TMC7: variants seen among roughly 807,000 people sequenced by gnomAD.
TMC7 encodes the protein transmembrane channel-like protein 7.
Under a neutral mutation model 82.9 loss-of-function variants are expected in TMC7, and 54 were observed. The observed-to-expected ratio is 0.65, with a 90% CI of 0.52 to 0.82. The LOEUF (loss-of-function observed/expected upper bound fraction) is 0.82, where lower values mean the gene tolerates loss of function less well. TMC7 is among the 40% of genes least tolerant of loss of function. TMC7 has a pLI of 0.00. For missense variants in TMC7, 820 were observed against 901.2 expected, an observed-to-expected ratio of 0.91 and a Z score of 1.15; for synonymous variants, 350 against 337.9, an observed-to-expected ratio of 1.04 and a Z score of -0.39.
At chr16:18,990,789 C>A (rs144365045) in intron 1 of TMC7, among the ~76,000 whole-genome samples, 3,299 of 152,154 alleles carry the variant, frequency 0.022, 120 homozygotes, top group African/African-American at 0.075. Flanking sequence ...TTATAAAGAA[C>A]CTTCTTAAGA....
intron 1 of TMC7, chr16:18,984,690 C>T (rs748865824): frequency 6.8e-5 from 13 of 191,206 alleles, no homozygotes; most frequent in Non-Finnish European, 1.1e-4. Context: ...CAGTGCCTGG[C>T]ATTGTGGCTA....
intron 1 of TMC7, 123 bp from the exon 2 acceptor site, chr16:19,009,049 T>C: frequency 9.2e-7 from 1 of 1,091,696 alleles, no homozygotes; most frequent in Admixed American, 2.3e-5. Context: ...ATCAAAATGC[T>C]GTCGTCACTG....
At chr16:19,031,349 G>C (rs527600864) in intron 6 of TMC7, among the ~76,000 whole-genome samples, 1 of 152,320 alleles carries the variant, frequency 6.6e-6, no homozygotes, top group Admixed American at 6.5e-5. Flanking sequence ...GAGCACTTCA[G>C]CTGTGGCCAG....
Position 19,040,458 on chromosome 16 carries a change from C to G in TMC7, c.1337+12C>G. 6.2e-7 allele frequency: 1 copy of G among 1,605,322 alleles called. No individual in the cohort carries two copies. The highest frequency in any genetic ancestry group is 8.5e-7 in the Non-Finnish European group (1 of 1,178,016). On this transcript the variant is annotated intron_variant, in intron 9 of 15. Coordinates refer to ENST00000304381, the MANE Select transcript of TMC7 (RefSeq NM_024847.4). ...CTGACAATCCTTAGGTAATGCCTAA[C>G]ATGAAGATGGCAGGCATGTCAAGCC...
chr16:18,992,627 T>G (rs2038972381), intron 1 of TMC7, among the ~76,000 whole-genome samples: 1 of 152,232 alleles, frequency 6.6e-6, no homozygotes, highest in South Asian at 2.1e-4. Context: ...CAATTTTGGC[T>G]TCTGTTGCCA....
chr16:19,045,161 G>A, intron 10 of TMC7, 160 bp downstream of exon 10: 1 of 837,452 alleles, frequency 1.2e-6, no homozygotes, highest in Non-Finnish European at 2.0e-6. Context: ...TCTAACCCCA[G>A]GCACTTCTGA....
intron 1 of TMC7, among the ~76,000 whole-genome samples, chr16:19,004,363 T>C (rs2039197623): frequency 6.6e-6 from 1 of 152,140 alleles, no homozygotes; most frequent in Non-Finnish European, 1.5e-5. Context: ...TTTTTATTTA[T>C]TTATTTGTAT....
intron 6 of TMC7, 149 bp from the exon 7 acceptor site, chr16:19,035,527 A>G: frequency 1.2e-6 from 1 of 801,728 alleles, no homozygotes; most frequent in Non-Finnish European, 2.0e-6. Flanking sequence ...TAGCTGCCAC[A>G]TATATTTAGA....
At chr16:19,001,524 A>G (rs2039140976) in intron 1 of TMC7, among the ~76,000 whole-genome samples, 1 of 152,116 alleles carries the variant, frequency 6.6e-6, no homozygotes, top group African/African-American at 2.4e-5. Flanking sequence ...CTATTAAAAT[A>G]TATGCATATT....
chr16:19,018,576 A>G (rs1390621639), intron 3 of TMC7, among the ~76,000 whole-genome samples: 1 of 152,126 alleles, frequency 6.6e-6, no homozygotes, highest in African/African-American at 2.4e-5. Context: ...GGGCTTCACC[A>G]TACGAATTTG....
In TMC7 at chr16:19,044,874, C is replaced by T; in HGVS notation, c.1338-10C>T. ...TCATCTTCCCATCCTCTCTCCTTCT[C>T]TCCCCGAAGGTGTGTCTTTATGCGG... is the stretch of plus-strand genomic sequence containing the variant. On this transcript the variant is annotated splice_polypyrimidine_tract_variant and intron_variant, in intron 9 of 15. Transcript: ENST00000304381. The T allele has an allele frequency of 6.2e-7, 1 of 1,603,936 alleles. No homozygotes were observed. Among genetic ancestry groups the T allele is most frequent in the Non-Finnish European group, 8.5e-7 (1 of 1,173,012 alleles).
intron 1 of TMC7, chr16:18,984,344 C>T (rs963525790): frequency 2.5e-5 from 33 of 1,297,004 alleles, no homozygotes; most frequent in African/African-American, 3.1e-5. Flanking sequence ...GGAACCCAGC[C>T]GGGCCAAAAG....
chr16:19,006,385 T>C (rs1049394596), intron 1 of TMC7, among the ~76,000 whole-genome samples: 1 of 152,204 alleles, frequency 6.6e-6, no homozygotes, highest in Non-Finnish European at 1.5e-5. Flanking sequence ...CGTTTCTCCA[T>C]GTTGGTCAGG....
chr16:19,037,457 A>G (rs1490634186), intron 7 of TMC7, among the ~76,000 whole-genome samples: 2 of 142,496 alleles, frequency 1.4e-5, no homozygotes, highest in African/African-American at 5.0e-5. Flanking sequence ...GGGGAGATGA[A>G]TATTTAAAAG....
intron 1 of TMC7, among the ~76,000 whole-genome samples, chr16:19,003,885 C>T (rs1047401308): frequency 2.5e-5 from 3 of 117,892 alleles, no homozygotes; most frequent in African/African-American, 6.6e-5. Context: ...ATCAGGGACA[C>T]AAACACTGCG....
chr16:19,025,079 C>A (rs1383741470), intron 5 of TMC7, among the ~76,000 whole-genome samples: 1 of 152,078 alleles, frequency 6.6e-6, no homozygotes, highest in East Asian at 1.9e-4. Context: ...TTAGATAACT[C>A]TGTGTTGTGT....
chr16:19,038,657 C>A (rs549265868), intron 8 of TMC7, among the ~76,000 whole-genome samples: 1 of 152,182 alleles, frequency 6.6e-6, no homozygotes, highest in East Asian at 1.9e-4. Flanking sequence ...GCTGGCATTA[C>A]AGGGATGTGC....
chr16:18,986,968 C>A (rs1404807850), intron 1 of TMC7, among the ~76,000 whole-genome samples: 1 of 151,994 alleles, frequency 6.6e-6, no homozygotes, highest in East Asian at 1.9e-4. Context: ...CCACGCCTGG[C>A]TAATTTTTTT....
rs748806025 is a variant in TMC7, at chr16:19,040,371, C to A, written c.1262C>A (p.Thr421Asn). The A allele has an allele frequency of 2.5e-6, 4 of 1,613,680 alleles. No individual in the cohort carries two copies. The South Asian group carries it at 3.3e-5, about 13-fold the overall frequency. Reference sequence around the variant, plus strand: ...GTGATCACGCTGGCCAATTTTATCACCCCAATGATCTTTGCCAAGATCATC... The same window carrying A: ...GTGATCACGCTGGCCAATTTTATCAACCCAATGATCTTTGCCAAGATCATC... ...SIVITLANFI[T>N]PMIFAKIIRY... Residue 421 changes from threonine to asparagine, a missense_variant, in exon 9 of 16, where the codon ACC becomes AAC. By Grantham distance (65) the Thr-to-Asn change is moderately conservative. Transcript: ENST00000304381.
Sources: allele counts gnomAD v4.1 joint callset (sites outside exome capture counted in the v4.1 genomes callset), GRCh38; gene constraint gnomAD v4.1.1; transcripts MANE v1.5; gene names NCBI Gene and HGNC (gene_info 2026-07-23, HGNC 2026-07-21).